The following FREM1 variants were observed in gnomAD, a reference collection of about 807,000 sequenced individuals.
FREM1 encodes FRAS1-related extracellular matrix protein 1.
Under a neutral mutation model 210.1 loss-of-function variants are expected in FREM1, and 220 were observed. That is an observed-to-expected ratio of 1.05 (90% CI 0.94 to 1.17). The LOEUF (loss-of-function observed/expected upper bound fraction) is 1.17. FREM1 is among the 50% of genes most tolerant of loss of function. The probability of loss-of-function intolerance (pLI) is 0.00; values close to 1 mark genes in which losing one functional copy is unlikely to be tolerated. For missense variants in FREM1, 3,454 were observed against 2,675.5 expected, an observed-to-expected ratio of 1.29 and a Z score of -6.42; for synonymous variants, 1,189 against 980.2, an observed-to-expected ratio of 1.21 and a Z score of -3.98.
intron 20 of FREM1, among the ~76,000 whole-genome samples, chr9:14,799,595 T>TA (rs1853129021): frequency 6.6e-6 from 1 of 152,016 alleles, no homozygotes; most frequent in South Asian, 2.1e-4. Flanking sequence ...TGTTATTTTT[T>TA]AAAAAATTGA....
At chr9:14,804,909 A>T (rs1023555920) in intron 19 of FREM1, 47 bp downstream of exon 19, 104 of 1,448,932 alleles carry the variant, frequency 7.2e-5, no homozygotes, top group Non-Finnish European at 1.0e-4. Flanking sequence ...TGAAAATAAA[A>T]ATCAAAATGA....
chr9:14,860,325 G>T (rs1023044563), intron 3 of FREM1, among the ~76,000 whole-genome samples: 1 of 151,760 alleles, frequency 6.6e-6, no homozygotes, highest in Non-Finnish European at 1.5e-5. Context: ...CCTGTTTTCT[G>T]CTGCCTACTC....
At chr9:14,788,802 AAG>A (rs1850816375) in intron 23 of FREM1, 115 bp downstream of exon 23, 1 of 795,458 alleles carries the variant, frequency 1.3e-6, no homozygotes. Context: ...TTCAAAGATG[AAG>A]AGTGGCAGGA....
chr9:14,864,442 G>C (rs1831150790), intron 2 of FREM1, among the ~76,000 whole-genome samples: 1 of 152,148 alleles, frequency 6.6e-6, no homozygotes, highest in African/African-American at 2.4e-5. Context: ...GTTAATCAGA[G>C]CCTAACATGA....
rs758126100 is a variant in FREM1, at chr9:14,746,349, T to C, written c.6254+4A>G. ...CCAATCAAATGTGCAATAGGGTGCC[T>C]TACTGTTCCCTGCAAGCTTGGGCAG... is the stretch of plus-strand genomic sequence containing the variant. On this transcript the variant is annotated splice_donor_region_variant and intron_variant, in intron 35 of 36. Coordinates refer to ENST00000380880, the MANE Select transcript of FREM1 (RefSeq NM_001379081.2). The C allele has an allele frequency of 1.9e-6, 3 of 1,606,458 alleles. No individual in the cohort carries two copies. The highest frequency in any genetic ancestry group is 2.2e-5 in the South Asian group (2 of 90,860).
Position 14,776,053 on chromosome 9 carries a change from C to T in FREM1, c.4593G>A (p.Gln1531=). Residue 1531 remains glutamine (Q), a synonymous_variant, in exon 25 of 37, where the codon CAG becomes CAA. Coordinates refer to ENST00000380880, the MANE Select transcript of FREM1 (RefSeq NM_001379081.2). ...AVGLLSPDLL[Q]LTDPDTPAEN... ...CCGCAGGTGTATCAGGGTCGGTCAG[C>T]TGAAGGAGGTCAGGGGAAAGCAGGC... The T allele has an allele frequency of 6.2e-7, 1 of 1,613,914 alleles. No homozygotes were observed. The highest frequency in any genetic ancestry group is 1.1e-5 in the South Asian group (1 of 91,086).
chr9:14,746,510 C>T, intron 34 of FREM1, 42 bp from the exon 35 acceptor site: 9 of 1,505,310 alleles, frequency 6.0e-6, no homozygotes, highest in Non-Finnish European at 8.3e-6. Context: ...ATGGTCTTTA[C>T]AATCTGGAGT....
At chr9:14,908,663 AG>A (rs1818214752) in intron 1 of FREM1, among the ~76,000 whole-genome samples, 4 of 152,342 alleles carry the variant, frequency 2.6e-5, no homozygotes, top group African/African-American at 9.6e-5. Context: ...GCTCAAACTC[AG>A]GTTTCTTATT....
rs1303194000 is a variant in FREM1 at position 14,747,287 on chromosome 9, T to C, written c.5986A>G (p.Thr1996Ala). Residue 1996 changes from threonine to alanine, a missense_variant, in exon 33 of 37, where the codon ACT (threonine) becomes GCT (alanine). Physicochemically the swap from Thr to Ala is moderately conservative, Grantham distance 58 (BLOSUM62 0). Transcript: ENST00000380880. Reference protein sequence around the residue: ...LPQADKVESTTDSHFPRQDQL... With the variant: ...LPQADKVESTADSHFPRQDQL... ...ACCTGTCTGGGGAAGTGTGAGTCAG[T>C]TGTGGATTCCACCTTATCTGCTTGA... The C allele has an allele frequency of 3.1e-6, 5 of 1,613,334 alleles. No homozygotes were observed. Among genetic ancestry groups the C allele is most frequent in the East Asian group, 2.2e-5 (1 of 44,872 alleles).
chr9:14,906,386 A>G (rs184988849), intron 1 of FREM1, among the ~76,000 whole-genome samples: 28 of 152,334 alleles, frequency 1.8e-4, no homozygotes, highest in African/African-American at 6.3e-4. Context: ...CTTATTGGGT[A>G]ATATAGAACC....
At chr9:14,870,479 T>C (rs899932537) in intron 1 of FREM1, among the ~76,000 whole-genome samples, 9 of 152,096 alleles carry the variant, frequency 5.9e-5, no homozygotes, top group African/African-American at 1.9e-4. Flanking sequence ...TTTTTGTTGC[T>C]GTTGTCTTTG....
rs535208293 is a variant in FREM1, at chr9:14,791,628, C to T, written c.3981+1115G>A. Among the ~76,000 whole-genome samples the T allele has an allele frequency of 1.9e-3, 290 of 152,246 alleles. 3 individuals are homozygous for T. The South Asian group carries it at 0.028, about 15-fold the overall frequency. On this transcript the variant is annotated intron_variant, in intron 22 of 36. Transcript: ENST00000380880. ...CAGTGGGATGAAGACACTGAACTTT[C>T]GTCTTTTAAGTTCATGTCAGATAGA...
Position 14,740,188 on chromosome 9 carries a change from A to G in FREM1, c.6301T>C (p.Trp2101Arg), listed in dbSNP as rs755608005. The stretch of plus-strand genomic sequence containing the variant: ...TTTCTCCCACCAATGTCCCAGAGCC[A>G]CCGCATGTGCTGCCTGGAGAATACA... ...VTVFSRQHMR[W>R]LWDIGGRKSF... Residue 2101 changes from tryptophan (W) to arginine (R), a missense_variant, in exon 36 of 37, where the codon TGG (tryptophan) becomes CGG (arginine). By Grantham distance (101) the Trp-to-Arg change is moderately radical. Transcript: ENST00000380880. 4 of 1,613,358 alleles carry G rather than the reference A, an allele frequency of 2.5e-6. No homozygotes were observed. In the South Asian group the frequency reaches 4.4e-5, roughly 18 times the overall value.
At chr9:14,879,079 C>A (rs1196372954) in intron 1 of FREM1, among the ~76,000 whole-genome samples, 1 of 150,186 alleles carries the variant, frequency 6.7e-6, no homozygotes, top group Non-Finnish European at 1.5e-5. Context: ...ACGACTTGAA[C>A]CTGGGAGGCG....
intron 23 of FREM1, among the ~76,000 whole-genome samples, chr9:14,787,371 G>A (rs1420282695): frequency 6.6e-6 from 1 of 152,188 alleles, no homozygotes; most frequent in Non-Finnish European, 1.5e-5. Context: ...ATAGGATAAT[G>A]TGTCTACTCG....
At chr9:14,833,464 G>A (rs528450374) in intron 10 of FREM1, among the ~76,000 whole-genome samples, 2 of 152,308 alleles carry the variant, frequency 1.3e-5, no homozygotes, top group African/African-American at 4.8e-5. Context: ...AGTTGTTTGG[G>A]TCGGATCTCT....
intron 1 of FREM1, among the ~76,000 whole-genome samples, chr9:14,875,647 G>A (rs1833572333): frequency 6.6e-6 from 1 of 152,118 alleles, no homozygotes; most frequent in South Asian, 2.1e-4. Context: ...TAAGTAGTTT[G>A]ATCGTCTGAA....
intron 27 of FREM1, among the ~76,000 whole-genome samples, chr9:14,767,776 A>AC (rs1287365715): frequency 4.6e-5 from 7 of 151,980 alleles, no homozygotes; most frequent in East Asian, 1.9e-4. Flanking sequence ...GAGTAATTTT[A>AC]CCCCCCCATC....
In FREM1 at chr9:14,747,346, T is replaced by G; in HGVS notation, c.5927A>C (p.Gln1976Pro). ...TGCCACTTTGATTGTCTTTTGTGGC[T>G]GACTAATGATGGATACTTTGGCCTT... ...KRKAKVSIISQPQKTIKVAEL... is the reference protein window; with the variant it reads ...KRKAKVSIISPPQKTIKVAEL... Residue 1976 changes from glutamine (Q) to proline (P), a missense_variant, in exon 33 of 37, where the codon CAG (glutamine) becomes CCG (proline). Coordinates refer to ENST00000380880, the MANE Select transcript of FREM1 (RefSeq NM_001379081.2). 1 of 1,613,724 alleles carries G rather than the reference T, an allele frequency of 6.2e-7. No homozygotes were observed. The highest frequency in any genetic ancestry group is 8.5e-7 in the Non-Finnish European group (1 of 1,179,686).
Sources: gnomAD v4.1 joint callset for allele counts (sites outside exome capture counted in the v4.1 genomes callset) on GRCh38, gnomAD v4.1.1 for gene constraint, MANE v1.5 for transcripts, NCBI Gene and HGNC (gene_info 2026-07-23, HGNC 2026-07-21) for gene names.